CSTF3: variants seen among roughly 807,000 people sequenced by gnomAD.
CSTF3 encodes CF-1 77 kDa subunit.
Under a neutral mutation model 105.8 loss-of-function variants are expected in CSTF3, and 29 were observed. The ratio of observed to expected loss-of-function variants is 0.27; its 90% CI spans 0.20 to 0.37. The LOEUF is 0.37. Among genes scored for constraint, CSTF3 ranks in the 10% least tolerant of loss-of-function variants. The pLI is 1.00. For synonymous variants in CSTF3, 252 were observed against 281.9 expected (o/e 0.89, Z 1.06); for missense variants, 357 against 879.3 (o/e 0.41, Z 7.51).
intron 3 of CSTF3, among the ~76,000 whole-genome samples, chr11:33,136,860 A>AT (rs1347741856): frequency 6.6e-6 from 1 of 151,872 alleles, no homozygotes; most frequent in Non-Finnish European, 1.5e-5. Context: ...AATACCCAAT[A>AT]TTTTTAACAA....
intron 18 of CSTF3, 138 bp downstream of exon 18, chr11:33,086,844 TTAAAGC>T: frequency 1.0e-6 from 1 of 964,706 alleles, no homozygotes; most frequent in Non-Finnish European, 1.6e-6. Context: ...AGTTCAAAGA[TTAAAGC>T]TAAATCACTT....
At chr11:33,148,429 G>A (rs1051610482) in intron 1 of CSTF3, among the ~76,000 whole-genome samples, 1 of 152,186 alleles carries the variant, frequency 6.6e-6, no homozygotes, top group African/African-American at 2.4e-5. Context: ...GGGTGCAGTG[G>A]CTCACGCCTG....
chr11:33,092,218 A>G, intron 16 of CSTF3, 53 bp downstream of exon 16: 3 of 1,265,454 alleles, frequency 2.4e-6, no homozygotes, highest in Non-Finnish European at 3.3e-6. Flanking sequence ...ACCACAATTC[A>G]GGTAAGAAAG....
Position 33,161,180 on chromosome 11 carries a change from A to C in CSTF3, c.27+119T>G, listed in dbSNP as rs966739606. ...CCCCATTCCCACCACTCTTCTATAT[A>C]CCCTGTCCCCCGGGTTCACTAGACC... On this transcript the variant is annotated intron_variant, in intron 1 of 20. Transcript: ENST00000323959. 4 of 1,066,682 alleles carry C rather than the reference A, an allele frequency of 3.7e-6. No individual in the cohort carries two copies. In the African/African-American group the frequency reaches 6.3e-5, roughly 17 times the overall value. The allele number at this position is 1,066,682 out of a possible 1,614,324, so 66.1% of individuals were successfully genotyped here. A position where few individuals can be genotyped will look rare whatever the true frequency, so the allele number is the denominator to read the frequency against.
At chr11:33,161,243 G>C in intron 1 of CSTF3, 56 bp downstream of exon 1, 2 of 1,602,728 alleles carry the variant, frequency 1.2e-6, no homozygotes, top group Non-Finnish European at 1.7e-6. Flanking sequence ...GGAGCAGTCG[G>C]AGGAACAGAC....
At chr11:33,115,763 T>C (rs1212004638) in intron 3 of CSTF3, among the ~76,000 whole-genome samples, 2 of 152,224 alleles carry the variant, frequency 1.3e-5, no homozygotes, top group Non-Finnish European at 2.9e-5. Context: ...GTTTCTGCAA[T>C]TTGTATTTTC....
intron 3 of CSTF3, among the ~76,000 whole-genome samples, chr11:33,126,153 A>G (rs936547905): frequency 6.6e-6 from 1 of 152,212 alleles, no homozygotes; most frequent in Admixed American, 6.5e-5. Flanking sequence ...TAATCTATTA[A>G]AGAAGCCAGA....
At chr11:33,137,962 CAT>C (rs1311907195) in intron 3 of CSTF3, among the ~76,000 whole-genome samples, 1 of 151,730 alleles carries the variant, frequency 6.6e-6, no homozygotes, top group African/African-American at 2.4e-5. Flanking sequence ...TTAGGACACT[CAT>C]GTTGCATCCT....
At chr11:33,139,250 T>TA (rs1416384761) in intron 3 of CSTF3, among the ~76,000 whole-genome samples, 3 of 151,798 alleles carry the variant, frequency 2.0e-5, no homozygotes, top group Non-Finnish European at 2.9e-5. Context: ...TATTTTCTAT[T>TA]AAAAAAAGGT....
chr11:33,134,338 T>G (rs1855630993), intron 3 of CSTF3: 1 of 152,156 alleles, frequency 6.6e-6, no homozygotes, highest in Admixed American at 6.5e-5. Flanking sequence ...TCTGATAACC[T>G]AAATAATCAA....
chr11:33,136,856 CA>C (rs1855659393), intron 3 of CSTF3, among the ~76,000 whole-genome samples: 1 of 151,736 alleles, frequency 6.6e-6, no homozygotes, highest in African/African-American at 2.4e-5. Flanking sequence ...CTATAATACC[CA>C]ATATTTTTAA....
In CSTF3 at chr11:33,142,736, TTTC is replaced by T. The variant is rs1230846198; in HGVS notation, c.28-753_28-751del. 3.3e-5 allele frequency among the ~76,000 whole-genome samples: 5 copies of T among 152,308 alleles called. No homozygotes were observed. The South Asian group carries it at 8.3e-4, about 25-fold the overall frequency. On this transcript the variant is annotated intron_variant, in intron 1 of 20. Coordinates refer to ENST00000323959, the MANE Select transcript of CSTF3 (RefSeq NM_001326.3). ...TACAAATAAAACTTTTTACATGTTTTTTCTTTATAAAAAATAACTTAAAATTCA... is the reference window on the plus strand; with the variant it reads ...TACAAATAAAACTTTTTACATGTTTTTTTATAAAAAATAACTTAAAATTCA...
chr11:33,112,147 A>T (rs1855385606), intron 3 of CSTF3, among the ~76,000 whole-genome samples: 1 of 151,942 alleles, frequency 6.6e-6, no homozygotes, highest in African/African-American at 2.4e-5. Flanking sequence ...CCAGCTACTC[A>T]GGAGGCTGAG....
intron 12 of CSTF3, 111 bp from the exon 13 acceptor site, chr11:33,098,875 G>T: frequency 1.6e-6 from 2 of 1,283,902 alleles, no homozygotes; most frequent in Non-Finnish European, 2.1e-6. Context: ...CATCTCCATT[G>T]AGCATAAATA....
At chr11:33,095,255 C>A (rs1325386184) in intron 15 of CSTF3, among the ~76,000 whole-genome samples, 1 of 152,136 alleles carries the variant, frequency 6.6e-6, no homozygotes, top group African/African-American at 2.4e-5. Context: ...GTCATCCAGG[C>A]TAGATGGAGT....
chr11:33,120,980 T>C (rs1382205537), intron 3 of CSTF3, among the ~76,000 whole-genome samples: 1 of 152,052 alleles, frequency 6.6e-6, no homozygotes, highest in Non-Finnish European at 1.5e-5. Context: ...GGAGGAATAA[T>C]TGAAGCTCTA....
intron 1 of CSTF3, among the ~76,000 whole-genome samples, chr11:33,160,205 T>C (rs1401401037): frequency 6.6e-6 from 1 of 151,934 alleles, no homozygotes; most frequent in African/African-American, 2.4e-5. Flanking sequence ...GTGCGAAGAT[T>C]TCTGGACTGA....
chr11:33,102,888 A>G (rs1484704692), intron 9 of CSTF3, among the ~76,000 whole-genome samples: 1 of 152,202 alleles, frequency 6.6e-6, no homozygotes, highest in East Asian at 1.9e-4. Context: ...TTCTGTTTCC[A>G]TATTTTAAAA....
At chr11:33,124,988 T>A (rs1855529425) in intron 3 of CSTF3, among the ~76,000 whole-genome samples, 1 of 152,222 alleles carries the variant, frequency 6.6e-6, no homozygotes, top group African/African-American at 2.4e-5. Context: ...TCCTCATGTG[T>A]CCAGTTGTGA....
Sources: gnomAD v4.1 joint callset for allele counts (sites outside exome capture counted in the v4.1 genomes callset) on GRCh38, gnomAD v4.1.1 for gene constraint, MANE v1.5 for transcripts, NCBI Gene and HGNC (gene_info 2026-07-23, HGNC 2026-07-21) for gene names.